PLCD4: variants seen among roughly 807,000 people sequenced by gnomAD.
PLCD4 encodes the protein 1-phosphatidylinositol 4,5-bisphosphate phosphodiesterase delta-4.
In PLCD4, 63 loss-of-function variants were observed where a neutral mutation model predicts 90.2. The observed-to-expected ratio is 0.70, with a 90% confidence interval of 0.57 to 0.86. The LOEUF (loss-of-function observed/expected upper bound fraction) is 0.86. PLCD4 is among the 40% of genes least tolerant of loss of function. PLCD4 has a pLI of 0.00. For missense variants in PLCD4, 830 were observed against 956.3 expected (o/e 0.87, Z 1.74); for synonymous variants, 294 against 356.5 (o/e 0.82, Z 1.97).
Position 218,632,314 on chromosome 2 carries a change from T to G in PLCD4, c.1449+2T>G. On this transcript the variant is annotated splice_donor_variant, in intron 10 of 15. Coordinates refer to ENST00000450993, the MANE Select transcript of PLCD4 (RefSeq NM_032726.4). LOFTEE classifies it high-confidence loss of function. ...CTTCAGAATAAGGACAAAAAGAAGGTAAGCCAGGAGTGGTCTTTCTGCTGT... is the reference window on the plus strand; with the variant it reads ...CTTCAGAATAAGGACAAAAAGAAGGGAAGCCAGGAGTGGTCTTTCTGCTGT... 1.2e-6 allele frequency: 2 copies of G among 1,602,976 alleles called. No homozygotes were observed. Among genetic ancestry groups the G allele is most frequent in the Non-Finnish European group, 8.5e-7 (1 of 1,175,084 alleles).
rs1360575652 is a variant in PLCD4, at chr2:218,635,777, T to C, written c.1897-19T>C. 1.9e-6 allele frequency: 3 copies of C among 1,608,120 alleles called. No individual in the cohort carries two copies. The highest frequency in any genetic ancestry group is 2.5e-6 in the Non-Finnish European group (3 of 1,177,242). The stretch of plus-strand genomic sequence containing the variant: ...TGGGCTGAGCAGGAACTTGTGAGAT[T>C]CCAGAGCCCTGACTACAGGTGATCA... On this transcript the variant is annotated intron_variant, in intron 13 of 15. Transcript: ENST00000450993.
chr2:218,629,141 G>C (rs1696244180), intron 7 of PLCD4: 1 of 165,632 alleles, frequency 6.0e-6, no homozygotes, highest in African/African-American at 2.4e-5. Context: ...GCTTAAGCCT[G>C]AGAGGTCAAG....
rs184498120 is a variant in PLCD4, at chr2:218,614,600, C to A, written c.-33-1107C>A. Among the ~76,000 whole-genome samples, 1,077 of 152,174 alleles carry A rather than the reference C, an allele frequency of 7.1e-3. 15 individuals are homozygous for A. The highest frequency in any genetic ancestry group is 0.025 in the African/African-American group (1,023 of 41,544). The stretch of plus-strand genomic sequence containing the variant: ...AAGTAGCTGGGATTACAGGTGCTTG[C>A]CACCATGCCCAGCTAATTTTTTTGT... On this transcript the variant is annotated intron_variant, in intron 1 of 15. Transcript: ENST00000450993.
At chr2:218,627,893 G>A in intron 6 of PLCD4, 136 bp from the exon 7 acceptor site, 1 of 697,892 alleles carries the variant, frequency 1.4e-6, no homozygotes, top group Non-Finnish European at 2.4e-6. Flanking sequence ...GGGCAAGTTT[G>A]GGATCTAAAG....
chr2:218,617,113 C>T (rs1462109928), intron 3 of PLCD4, among the ~76,000 whole-genome samples: 1 of 143,728 alleles, frequency 7.0e-6, no homozygotes, highest in African/African-American at 2.5e-5. Flanking sequence ...TACAGGCACC[C>T]GCCACCACGC....
chr2:218,621,684 C>T (rs1209341125), intron 5 of PLCD4, 85 bp downstream of exon 5: 15 of 1,527,102 alleles, frequency 9.8e-6, no homozygotes, highest in Non-Finnish European at 1.3e-5. Flanking sequence ...GTCCACAACA[C>T]TCAATTGTTA....
intron 9 of PLCD4, among the ~76,000 whole-genome samples, chr2:218,631,779 G>A (rs533686612): frequency 4.6e-4 from 68 of 148,830 alleles, no homozygotes; most frequent in African/African-American, 1.1e-3. Flanking sequence ...GCGACAGTGC[G>A]AGACTCCGTC....
At chr2:218,612,051 C>T (rs1282635650) in intron 1 of PLCD4, among the ~76,000 whole-genome samples, 1 of 152,024 alleles carries the variant, frequency 6.6e-6, no homozygotes, top group African/African-American at 2.4e-5. Flanking sequence ...GCCTCAGCCT[C>T]CCTAGTAGCC....
In PLCD4 at chr2:218,635,916, T is replaced by A. The variant is rs1696711842; in HGVS notation, c.2017T>A (p.Tyr673Asn). Residue 673 changes from tyrosine to asparagine, a missense_variant, in exon 14 of 16, where the codon TAT (tyrosine) becomes AAT (asparagine). Tyr to Asn is a moderately radical substitution (Grantham distance 143, BLOSUM62 -2). Transcript: ENST00000450993. ...AGACACAGCACGGCAGGAGACCAAC[T>A]ATGTGGAGAACAATGGTGAGAAACT... is the stretch of plus-strand genomic sequence containing the variant. Reference protein sequence around the residue: ...RLDTARQETNYVENNGFNPYW... With the variant: ...RLDTARQETNNVENNGFNPYW... 2.1e-5 allele frequency: 34 copies of A among 1,614,006 alleles called. No individual in the cohort carries two copies. The highest frequency in any genetic ancestry group is 2.9e-5 in the Non-Finnish European group (34 of 1,179,884).
At chr2:218,617,482 C>T (rs149455404) in intron 3 of PLCD4, among the ~76,000 whole-genome samples, 101 of 151,456 alleles carry the variant, frequency 6.7e-4, no homozygotes, top group African/African-American at 2.1e-3. Flanking sequence ...AAGGCTGAGG[C>T]AGGAGAATCG....
At position 218,634,316 on chromosome 2, in the gene PLCD4, A is replaced by T; in HGVS notation, c.1723+95A>T. The T allele has an allele frequency of 6.4e-7, 1 of 1,572,878 alleles. No homozygotes were observed. Among genetic ancestry groups the T allele is most frequent in the South Asian group, 1.2e-5 (1 of 86,410 alleles). ...TGGTAGGGTTGGGGAATGCTCAAGAAAATTGCTAGGCTGAGAAATGCTATC... is the reference window on the plus strand; with the variant it reads ...TGGTAGGGTTGGGGAATGCTCAAGATAATTGCTAGGCTGAGAAATGCTATC... On this transcript the variant is annotated intron_variant, in intron 12 of 15. Coordinates refer to ENST00000450993, the MANE Select transcript of PLCD4 (RefSeq NM_032726.4). This position sits in a 1 kb window ranked among gnomAD's most constrained non-coding sequence, Gnocchi z 4.0.
At chr2:218,615,678 G>C (rs965206833) in intron 1 of PLCD4, 29 bp from the exon 2 acceptor site, 11 of 1,528,612 alleles carry the variant, frequency 7.2e-6, no homozygotes, top group Admixed American at 2.1e-5. Flanking sequence ...GATTCACCCA[G>C]AGCCCTTTGC....
At chr2:218,618,249 G>T (rs1695710912) in intron 3 of PLCD4, among the ~76,000 whole-genome samples, 1 of 152,168 alleles carries the variant, frequency 6.6e-6, no homozygotes, top group African/African-American at 2.4e-5. Flanking sequence ...CTATGGAAGG[G>T]GACTATCCAT....
chr2:218,625,686 C>T (rs1484379685), intron 6 of PLCD4, among the ~76,000 whole-genome samples: 2 of 152,234 alleles, frequency 1.3e-5, no homozygotes, highest in African/African-American at 4.8e-5. Context: ...GTAATCCCAG[C>T]ACTTTGGGAG....
chr2:218,617,129 T>TAAA (rs1695652784), intron 3 of PLCD4, among the ~76,000 whole-genome samples: 2 of 144,798 alleles, frequency 1.4e-5, no homozygotes, highest in Non-Finnish European at 3.1e-5. Flanking sequence ...CACGCCCGGC[T>TAAA]AATTTTTCGC....
chr2:218,632,221 A>T lies in PLCD4; in HGVS notation c.1358A>T (p.Glu453Val). ...LEYEEEEAEP[E>V]LEESELALES... ...TATGAGGAAGAGGAAGCAGAACCTG[A>T]GTTGGAAGAGTCAGAATTGGCGCTG... The change falls in exon 10 of 16, where the codon GAG (glutamate) becomes GTG (valine). Residue 453 changes from glutamate to valine, a missense_variant. By Grantham distance (121) the Glu-to-Val change is moderately radical. Transcript: ENST00000450993. 1 of 1,611,518 alleles carries T rather than the reference A, an allele frequency of 6.2e-7. No individual in the cohort carries two copies. Among genetic ancestry groups the T allele is most frequent in the Non-Finnish European group, 8.5e-7 (1 of 1,178,906 alleles).
chr2:218,619,956 C>T (rs535177536), intron 4 of PLCD4, among the ~76,000 whole-genome samples: 24 of 152,278 alleles, frequency 1.6e-4, no homozygotes, highest in Middle Eastern at 6.8e-3. Flanking sequence ...TGGCTCACTG[C>T]AGCCGTGACA....
At position 218,622,725 on chromosome 2, in the gene PLCD4, G is replaced by A; in HGVS notation, c.619G>A (p.Glu207Lys). The A allele has an allele frequency of 6.2e-7, 1 of 1,614,038 alleles. No individual in the cohort carries two copies. The highest frequency in any genetic ancestry group is 8.5e-7 in the Non-Finnish European group (1 of 1,179,910). The change falls in exon 6 of 16, where the codon GAG becomes AAG. Residue 207 changes from glutamate (E) to lysine (K), a missense_variant. Transcript: ENST00000450993. ...CTATAAGGCATTGACTAAACGTGCT[G>A]AGGTGCAGGAACTGTTTGAAAGTTT... ...QFYKALTKRA[E>K]VQELFESFSA...
chr2:218,621,340 G>T (rs1176242147), intron 4 of PLCD4, 130 bp from the exon 5 acceptor site: 3 of 1,069,706 alleles, frequency 2.8e-6, no homozygotes, highest in Non-Finnish European at 4.2e-6. Context: ...GAAGCTGTGT[G>T]GAGAATGGAT....
Sources: gnomAD v4.1 joint callset for allele counts (sites outside exome capture counted in the v4.1 genomes callset) on GRCh38, gnomAD v4.1.1 for gene constraint, Gnocchi (gnomAD v3.1) non-coding constraint, MANE v1.5 for transcripts, NCBI Gene and HGNC (gene_info 2026-07-23, HGNC 2026-07-21) for gene names.